SLC9B1: variants seen among roughly 807,000 people sequenced by gnomAD.
SLC9B1 encodes solute carrier family 9 member B1.
SLC9B1 carries 32 observed loss-of-function variants against 51.7 expected under a neutral mutation model. That is an observed-to-expected ratio of 0.62 (90% CI 0.47 to 0.83). SLC9B1 has a LOEUF of 0.83. SLC9B1 is among the 40% of genes least tolerant of loss of function. The pLI is 0.00. For missense variants in SLC9B1, 406 were observed against 613.2 expected (o/e 0.66, Z 3.57); for synonymous variants, 145 against 212.7 (o/e 0.68, Z 2.77).
At chr4:102,907,483 T>C (rs1238624874) in intron 9 of SLC9B1, among the ~76,000 whole-genome samples, 1 of 152,234 alleles carries the variant, frequency 6.6e-6, no homozygotes. Flanking sequence ...AAAGTTACTT[T>C]TTCCTTAAAA....
chr4:103,005,036 T>A (rs1412583948), intron 1 of SLC9B1, among the ~76,000 whole-genome samples: 1 of 151,978 alleles, frequency 6.6e-6, no homozygotes, highest in African/African-American at 2.4e-5. Flanking sequence ...CAATCAAATC[T>A]TCATAATAAA....
intron 1 of SLC9B1, among the ~76,000 whole-genome samples, chr4:102,992,000 C>A (rs1433438073): frequency 6.6e-6 from 1 of 152,038 alleles, no homozygotes; most frequent in Non-Finnish European, 1.5e-5. Flanking sequence ...TCAGAAAATG[C>A]AGAAATTTAT....
chr4:102,925,833 T>A (rs200584764), intron 7 of SLC9B1, among the ~76,000 whole-genome samples: 2 of 127,852 alleles, frequency 1.6e-5, no homozygotes, highest in East Asian at 5.0e-4. Flanking sequence ...TGAACATCGA[T>A]GCAAAAATCC....
intron 1 of SLC9B1, among the ~76,000 whole-genome samples, chr4:102,997,445 T>C (rs1251291853): frequency 6.6e-6 from 1 of 152,194 alleles, no homozygotes; most frequent in African/African-American, 2.4e-5. Context: ...TTATAAAAAT[T>C]ATAACTTTAA....
At chr4:102,963,978 G>C (rs1338621527) in intron 3 of SLC9B1, among the ~76,000 whole-genome samples, 1 of 151,992 alleles carries the variant, frequency 6.6e-6, no homozygotes, top group Non-Finnish European at 1.5e-5. Flanking sequence ...GATAAATACA[G>C]AACAGGATAA....
chr4:102,893,280 T>TCAAAAAAAAAAAA, intron 11 of SLC9B1, among the ~76,000 whole-genome samples: 2 of 8,400 alleles, frequency 2.4e-4, no homozygotes, highest in Admixed American at 1.6e-3. Flanking sequence ...AGACTCCATC[T>TCAAAAAAAAAAAA]CAAAAAAAAA....
At chr4:102,984,032 T>C (rs1020353228) in intron 3 of SLC9B1, among the ~76,000 whole-genome samples, 18 of 152,158 alleles carry the variant, frequency 1.2e-4, no homozygotes, top group African/African-American at 4.3e-4. Context: ...GCTATAAGTT[T>C]CCTTCTACTC....
chr4:102,890,997 GA>G lies in SLC9B1; in HGVS notation c.1333-5670del, dbSNP rs971913192. 2.0e-5 allele frequency: 3 copies of G among 150,886 alleles called. 1 individual carries two copies. Among genetic ancestry groups the G allele is most frequent in the African/African-American group, 7.4e-5 (3 of 40,344 alleles). 9.3% of individuals were successfully genotyped at this position (150,886 alleles called of 1,614,324 possible). ...GCAGGGGTGAATTAAAGACCACTTT[GA>G]AGGCTGGGAAAAGCAGATAATTTAG... On this transcript the variant is annotated intron_variant, in intron 11 of 11. Transcript: ENST00000394789.
intron 3 of SLC9B1, among the ~76,000 whole-genome samples, chr4:102,969,663 T>C (rs1268839832): frequency 3.9e-5 from 6 of 152,288 alleles, no homozygotes; most frequent in Non-Finnish European, 8.8e-5. Context: ...AAGTAGGCTT[T>C]AGAAGGTCAG....
intron 5 of SLC9B1, among the ~76,000 whole-genome samples, chr4:102,946,301 T>C (rs758840336): frequency 2.6e-5 from 4 of 152,166 alleles, no homozygotes; most frequent in Non-Finnish European, 4.4e-5. Context: ...GTTTTTTTCT[T>C]CTGTTTGTTT....
intron 1 of SLC9B1, among the ~76,000 whole-genome samples, chr4:103,008,585 G>C (rs1740918184): frequency 6.6e-6 from 1 of 151,732 alleles, no homozygotes; most frequent in Admixed American, 6.6e-5. Context: ...GTTTCACCAT[G>C]GTGGCCAGAA....
intron 3 of SLC9B1, among the ~76,000 whole-genome samples, chr4:102,986,086 T>C (rs1486609592): frequency 7.2e-5 from 11 of 152,218 alleles, no homozygotes; most frequent in Non-Finnish European, 5.9e-5. Context: ...TGTGAGTTTC[T>C]GATCTACATC....
intron 7 of SLC9B1, among the ~76,000 whole-genome samples, chr4:102,922,256 C>T (rs889639930): frequency 6.6e-6 from 1 of 152,192 alleles, no homozygotes; most frequent in Non-Finnish European, 1.5e-5. Flanking sequence ...GATTAAGAAG[C>T]TCCCTCAAAA....
intron 11 of SLC9B1, among the ~76,000 whole-genome samples, chr4:102,885,597 C>T (rs1190819307): frequency 1.3e-5 from 2 of 152,242 alleles, no homozygotes; most frequent in African/African-American, 2.4e-5. Context: ...TAGATACTAC[C>T]TACATTAGAA....
intron 1 of SLC9B1, among the ~76,000 whole-genome samples, chr4:102,992,657 C>T (rs1198134703): frequency 2.0e-5 from 3 of 152,040 alleles, no homozygotes; most frequent in African/African-American, 7.2e-5. Context: ...AAAAAATAAC[C>T]TTTAAAAATT....
At chr4:102,925,682 A>G (rs1736126138) in intron 7 of SLC9B1, among the ~76,000 whole-genome samples, 1 of 139,752 alleles carries the variant, frequency 7.2e-6, no homozygotes, top group African/African-American at 2.8e-5. Context: ...AAAAAATTAA[A>G]CACTTCTTCT....
At position 102,991,567 on chromosome 4, in the gene SLC9B1, A is replaced by G. The variant is rs72937473; in HGVS notation, c.69+76T>C. On this transcript the variant is annotated intron_variant, in intron 2 of 11. Coordinates refer to ENST00000296422, the MANE Select transcript of SLC9B1 (RefSeq NM_139173.4). ...CAGATATATAAAAGAAACCTATCTA[A>G]TAAGTAAATTAGGAATAAATTTTAA... 3.4e-3 allele frequency: 3,465 copies of G among 1,014,208 alleles called. 46 individuals carry two copies. The African/African-American group carries it at 0.038, about 11-fold the overall frequency. The allele number at this position is 1,014,208 out of a possible 1,614,324, so 62.8% of individuals were successfully genotyped here.
At chr4:102,910,921 A>G (rs909074631) in intron 8 of SLC9B1, among the ~76,000 whole-genome samples, 3 of 152,204 alleles carry the variant, frequency 2.0e-5, no homozygotes, top group Admixed American at 6.5e-5. Context: ...AAATATTTGA[A>G]TATCTCTTTG....
chr4:102,899,813 A>G (rs887649532), downstream of SLC9B1, among the ~76,000 whole-genome samples: 8 of 152,242 alleles, frequency 5.3e-5, no homozygotes, highest in Non-Finnish European at 7.3e-5. Flanking sequence ...GAGTACTAGA[A>G]TTACAATATT....
Sources: gnomAD v4.1 joint callset for allele counts (sites outside exome capture counted in the v4.1 genomes callset) on GRCh38, gnomAD v4.1.1 for gene constraint, MANE v1.5 for transcripts, NCBI Gene and HGNC (gene_info 2026-07-23, HGNC 2026-07-21) for gene names.